Variants in TAMM41 observed in about 807,000 individuals in gnomAD.
The protein encoded by TAMM41 is TAM41 mitochondrial translocator assembly and maintenance homolog, also known as phosphatidate cytidylyltransferase, mitochondrial.
TAMM41 carries 36 observed loss-of-function variants against 44.1 expected under a neutral mutation model. The observed-to-expected ratio is 0.82, with a 90% CI of 0.63 to 1.08. The LOEUF (loss-of-function observed/expected upper bound fraction) is 1.08, where lower values mean the gene tolerates loss of function less well. Ranked by LOEUF, TAMM41 falls within the 50% of genes least tolerant of loss-of-function variation. The probability of loss-of-function intolerance (pLI) is 0.00; values close to 1 mark genes in which losing one functional copy is unlikely to be tolerated. For synonymous variants in TAMM41, 164 were observed against 153.1 expected (o/e 1.07, Z -0.53); for missense variants, 417 against 404.3 (o/e 1.03, Z -0.27).
the TAMM41 span, among the ~76,000 whole-genome samples, chr3:11,729,026 CA>C: frequency 3.5e-5 from 4 of 113,212 alleles, no homozygotes; most frequent in Non-Finnish European, 8.1e-5. Context: ...AAAAAAAATA[CA>C]AAAACTTGCC....
At chr3:11,808,703 C>T (rs923151667) in intron 6 of TAMM41, 42 of 826,048 alleles carry the variant, frequency 5.1e-5, no homozygotes, top group African/African-American at 5.6e-5. Flanking sequence ...AAGTTAGTCT[C>T]TGAAGATAAG....
At chr3:11,753,371 A>G in the TAMM41 span, among the ~76,000 whole-genome samples, 10 of 151,188 alleles carry the variant, frequency 6.6e-5, no homozygotes, top group African/African-American at 2.4e-4. Flanking sequence ...GAGGCAAAGG[A>G]TGCAGTGAGC....
At chr3:11,763,001 G>A in the TAMM41 span, among the ~76,000 whole-genome samples, 1 of 152,260 alleles carries the variant, frequency 6.6e-6, no homozygotes, top group Middle Eastern at 3.4e-3. Flanking sequence ...TGGCACCACT[G>A]CACTCTAGCC....
At chr3:11,779,652 C>CTT in the TAMM41 span, among the ~76,000 whole-genome samples, 87,155 of 151,796 alleles carry the variant, frequency 0.57, 25,926 homozygotes, top group East Asian at 0.76. Context: ...GGTCTCTTCT[C>CTT]TGTGCTCCAC....
chr3:11,755,577 G>C, the TAMM41 span, among the ~76,000 whole-genome samples: 1 of 152,128 alleles, frequency 6.6e-6, no homozygotes, highest in Non-Finnish European at 1.5e-5. Context: ...TGAACATTCT[G>C]TGTATTGTCG....
the TAMM41 span, among the ~76,000 whole-genome samples, chr3:11,784,211 A>T: frequency 6.6e-6 from 1 of 152,114 alleles, no homozygotes; most frequent in African/African-American, 2.4e-5. Flanking sequence ...TAACCTTTTT[A>T]AAAAATGATG....
downstream of TAMM41, among the ~76,000 whole-genome samples, chr3:11,786,044 T>G (rs571863990): frequency 1.2e-4 from 18 of 152,050 alleles, no homozygotes; most frequent in African/African-American, 4.3e-4. Flanking sequence ...GTACAAGTCT[T>G]CTGAAAACTT....
chr3:11,823,940 C>T (rs2125011317), intron 4 of TAMM41, among the ~76,000 whole-genome samples: 1 of 151,308 alleles, frequency 6.6e-6, no homozygotes, highest in East Asian at 2.0e-4. Flanking sequence ...AGTCTCCTGC[C>T]TCAGCTTCCC....
chr3:11,748,219 G>A, the TAMM41 span, among the ~76,000 whole-genome samples: 442 of 151,464 alleles, frequency 2.9e-3, no homozygotes, highest in South Asian at 4.6e-3. Context: ...TCCCTCTTCA[G>A]CCTCAAAGTA....
the TAMM41 span, among the ~76,000 whole-genome samples, chr3:11,748,911 ATTTT>A: frequency 3.4e-5 from 4 of 119,126 alleles, no homozygotes; most frequent in African/African-American, 9.8e-5. Context: ...TGGGAAGTAG[ATTTT>A]TTTTTTTTTT....
chr3:11,825,573 T>G (rs1485525776), intron 4 of TAMM41, among the ~76,000 whole-genome samples: 1 of 152,220 alleles, frequency 6.6e-6, no homozygotes, highest in East Asian at 1.9e-4. Flanking sequence ...GCTAATTTTT[T>G]TCCCCAAGAA....
At chr3:11,741,654 C>T in the TAMM41 span, among the ~76,000 whole-genome samples, 1 of 150,228 alleles carries the variant, frequency 6.7e-6, no homozygotes, top group Non-Finnish European at 1.5e-5. Context: ...TCCCCAGTTT[C>T]ATGGGGAGAA....
chr3:11,778,390 G>C, the TAMM41 span, among the ~76,000 whole-genome samples: 1 of 152,024 alleles, frequency 6.6e-6, no homozygotes, highest in Admixed American at 6.6e-5. Context: ...ACCAAACCCA[G>C]ATAATTTTTA....
the TAMM41 span, among the ~76,000 whole-genome samples, chr3:11,766,200 T>C: frequency 6.6e-6 from 1 of 152,060 alleles, no homozygotes; most frequent in Non-Finnish European, 1.5e-5. Context: ...GGTCTAACTA[T>C]GTTACACAGG....
chr3:11,811,032 C>CTA (rs1304219117), intron 5 of TAMM41: 1 of 152,004 alleles, frequency 6.6e-6, no homozygotes, highest in Non-Finnish European at 1.5e-5. Flanking sequence ...GGTGATTGTG[C>CTA]CACTGCACTA....
At chr3:11,832,936 A>G (rs938204094) in intron 3 of TAMM41, 3 of 976,646 alleles carry the variant, frequency 3.1e-6, no homozygotes, top group African/African-American at 1.8e-5. Context: ...GTTGTTCTAC[A>G]TAGGCTGTAA....
chr3:11,778,277 T>G, the TAMM41 span, among the ~76,000 whole-genome samples: 2 of 151,996 alleles, frequency 1.3e-5, no homozygotes, highest in East Asian at 1.9e-4. Flanking sequence ...CAGGCTGGAG[T>G]GCAGTGGTGC....
At chr3:11,721,905 T>A in the TAMM41 span, 1 of 152,226 alleles carries the variant, frequency 6.6e-6, no homozygotes, top group Non-Finnish European at 1.5e-5. Flanking sequence ...TTCCTTCTCT[T>A]CTGACTTAAA....
intron 7 of TAMM41, among the ~76,000 whole-genome samples, chr3:11,798,254 C>T (rs2077658249): frequency 6.6e-6 from 1 of 152,110 alleles, no homozygotes; most frequent in Non-Finnish European, 1.5e-5. Context: ...AACCTAAATG[C>T]CCATCAATCG....
Sources: gnomAD v4.1 joint callset for allele counts (sites outside exome capture counted in the v4.1 genomes callset) on GRCh38, gnomAD v4.1.1 for gene constraint, MANE v1.5 for transcripts, NCBI Gene and HGNC (gene_info 2026-07-23, HGNC 2026-07-21) for gene names.